BCO1: variants seen among roughly 807,000 people sequenced by gnomAD.
BCO1 encodes beta-carotene oxygenase 1, also known as beta,beta-carotene 15,15'-dioxygenase.
Under a neutral mutation model 56.3 loss-of-function variants are expected in BCO1, and 54 were observed. The observed-to-expected ratio is 0.96, with a 90% CI of 0.77 to 1.20. BCO1 has a LOEUF of 1.20. BCO1 is among the 50% of genes most tolerant of loss of function. BCO1 has a pLI of 0.00. For missense variants in BCO1, 801 were observed against 690.9 expected, an observed-to-expected ratio of 1.16 and a Z score of -1.79; for synonymous variants, 318 against 266.1, an observed-to-expected ratio of 1.20 and a Z score of -1.90.
chr16:81,276,804 C>T (rs754070847), intron 7 of BCO1, among the ~76,000 whole-genome samples: 6 of 151,568 alleles, frequency 4.0e-5, no homozygotes, highest in Non-Finnish European at 8.8e-5. Flanking sequence ...TGGTGGCTCA[C>T]GCGTGTAAAC....
chr16:81,272,376 C>A (rs1907287823), intron 7 of BCO1, among the ~76,000 whole-genome samples: 1 of 152,130 alleles, frequency 6.6e-6, no homozygotes, highest in South Asian at 2.1e-4. Flanking sequence ...CCTTGGCCTC[C>A]CAAAGTGCTG....
Position 81,276,787 on chromosome 16 carries a change from C to G in BCO1, c.1102-4070C>G, listed in dbSNP as rs1907582004. ...GCTTATTTTAAAATTAAATTTAAGG[C>G]CAGGCATGGTGGCTCACGCGTGTAA... On this transcript the variant is annotated intron_variant, in intron 7 of 10. Coordinates refer to ENST00000258168, the MANE Select transcript of BCO1 (RefSeq NM_017429.3). Among the ~76,000 whole-genome samples the G allele has an allele frequency of 1.3e-5, 2 of 152,178 alleles. 1 individual carries two copies.
intron 5 of BCO1, among the ~76,000 whole-genome samples, chr16:81,267,559 G>C (rs1315572936): frequency 2.0e-5 from 3 of 152,222 alleles, no homozygotes; most frequent in African/African-American, 7.2e-5. Context: ...ATTGAAGTGG[G>C]CTGAGATCGT....
chr16:81,285,548 C>T lies in BCO1; in HGVS notation c.1216C>T (p.Leu406Phe). ...QPEFLYEGLE[L>F]PRVNYAHNGK... Reference sequence around the variant, plus strand: ...TCCTCATTTCCTTGTAGGCTTAGAGCTTCCACGGGTCAATTATGCTCACAA... The same window carrying T: ...TCCTCATTTCCTTGTAGGCTTAGAGTTTCCACGGGTCAATTATGCTCACAA... Residue 406 changes from leucine (L) to phenylalanine (F), a missense_variant, in exon 9 of 11, where the codon CTT (leucine) becomes TTT (phenylalanine). Leu to Phe is a conservative substitution (Grantham distance 22, BLOSUM62 0). Transcript: ENST00000258168. The T allele has an allele frequency of 4.3e-6, 7 of 1,612,592 alleles. No homozygotes were observed. Among genetic ancestry groups the T allele is most frequent in the South Asian group, 1.1e-5 (1 of 91,064 alleles).
rs796296851 is a variant in BCO1, at chr16:81,254,450, ATT to A, written c.194-5214_194-5213del. On this transcript the variant is annotated intron_variant, in intron 2 of 10. Coordinates refer to ENST00000258168, the MANE Select transcript of BCO1 (RefSeq NM_017429.3). ...ACAGGCATAAGCCACCACACCAAGC[ATT>A]TTTTTTTTTTTAATAGATAAGGGCT... 1.1e-3 allele frequency among the ~76,000 whole-genome samples: 150 copies of A among 138,396 alleles called. 1 individual carries two copies. The highest frequency in any genetic ancestry group is 3.7e-3 in the African/African-American group (139 of 37,860). The allele number at this position is 138,396 out of a possible 152,430, so 90.8% of individuals were successfully genotyped here. A position where few individuals can be genotyped will look rare whatever the true frequency, so the allele number is the denominator to read the frequency against.
At chr16:81,262,836 C>CAAA (rs1157316912) in intron 4 of BCO1, 6 of 112,788 alleles carry the variant, frequency 5.3e-5, no homozygotes, top group South Asian at 5.3e-4. Flanking sequence ...CAAACAAAAA[C>CAAA]AAAAAAAAAA....
chr16:81,243,515 C>T (rs1567696868), intron 1 of BCO1, among the ~76,000 whole-genome samples: 1 of 152,124 alleles, frequency 6.6e-6, no homozygotes. Context: ...GTCACCCAGG[C>T]TGGAGTGCAG....
At position 81,271,553 on chromosome 16, in the gene BCO1, C is replaced by G. The variant is rs192302358; in HGVS notation, c.1101+1137C>G. 2.1e-3 allele frequency among the ~76,000 whole-genome samples: 324 copies of G among 152,276 alleles called. 1 individual carries two copies. Among genetic ancestry groups the G allele is most frequent in the Non-Finnish European group, 4.0e-3 (275 of 68,014 alleles). Reference sequence around the variant, plus strand: ...CCTTAGCCATCACCTCCTAGTCTTCCCCTCCCTGCCCCAGGCAACCTGTCA... The same window carrying G: ...CCTTAGCCATCACCTCCTAGTCTTCGCCTCCCTGCCCCAGGCAACCTGTCA... On this transcript the variant is annotated intron_variant, in intron 7 of 10. Transcript: ENST00000258168.
intron 1 of BCO1, among the ~76,000 whole-genome samples, chr16:81,241,687 G>A (rs1391297351): frequency 6.6e-6 from 1 of 152,212 alleles, no homozygotes; most frequent in Non-Finnish European, 1.5e-5. Context: ...GGGAAACTGA[G>A]GCAGAGGGGC....
At chr16:81,264,350 A>G (rs1433449754) in intron 4 of BCO1, among the ~76,000 whole-genome samples, 1 of 152,224 alleles carries the variant, frequency 6.6e-6, no homozygotes, top group Non-Finnish European at 1.5e-5. Flanking sequence ...CGATAGCCAC[A>G]GAAGCACACC....
intron 7 of BCO1, among the ~76,000 whole-genome samples, chr16:81,271,603 G>A (rs867318963): frequency 5.9e-4 from 90 of 152,054 alleles, no homozygotes; most frequent in African/African-American, 2.1e-3. Context: ...CTGCAGACTT[G>A]CCCTTTCTAG....
chr16:81,290,795 A>T lies in BCO1; in HGVS notation c.*218A>T. On this transcript the variant is annotated 3_prime_UTR_variant, in exon 11 of 11. Coordinates refer to ENST00000258168, the MANE Select transcript of BCO1 (RefSeq NM_017429.3). ...AAAGTCAAACATTTGAACATCAAAT[A>T]TGTATTGATTAGATCCAGTCCTTCT... 1.8e-6 allele frequency: 1 copy of T among 562,202 alleles called. No individual in the cohort carries two copies. Among genetic ancestry groups the T allele is most frequent in the Non-Finnish European group, 3.2e-6 (1 of 315,628 alleles). 34.8% of individuals were successfully genotyped at this position (562,202 alleles called of 1,614,324 possible). A position where few individuals can be genotyped will look rare whatever the true frequency, so the allele number is the denominator to read the frequency against.
chr16:81,284,161 C>T (rs1243797709), intron 8 of BCO1, among the ~76,000 whole-genome samples: 1 of 151,310 alleles, frequency 6.6e-6, no homozygotes, highest in Non-Finnish European at 1.5e-5. Context: ...CCACTGCACT[C>T]CAGCCCAGGC....
intron 1 of BCO1, among the ~76,000 whole-genome samples, 166 bp downstream of exon 1, chr16:81,239,138 T>C (rs1905001017): frequency 6.6e-6 from 1 of 151,452 alleles, no homozygotes; most frequent in Non-Finnish European, 1.5e-5. Context: ...CACCACAGCC[T>C]CCCGAGTAGC....
intron 7 of BCO1, among the ~76,000 whole-genome samples, chr16:81,277,514 T>G (rs1907629387): frequency 1.3e-5 from 2 of 152,236 alleles, no homozygotes; most frequent in Middle Eastern, 3.4e-3. Context: ...CAGATGCAGG[T>G]GGAAACCGCC....
chr16:81,254,966 T>C (rs956151964), intron 2 of BCO1, among the ~76,000 whole-genome samples: 3 of 152,144 alleles, frequency 2.0e-5, no homozygotes, highest in African/African-American at 4.8e-5. Flanking sequence ...GTATTATTTG[T>C]AGAGATGGGG....
chr16:81,251,708 A>C (rs1274679398), intron 2 of BCO1, among the ~76,000 whole-genome samples: 1 of 151,978 alleles, frequency 6.6e-6, no homozygotes, highest in African/African-American at 2.4e-5. Context: ...TTTACAAAGC[A>C]CGCATAGAAA....
chr16:81,270,056 T>C, intron 6 of BCO1, 103 bp from the exon 7 acceptor site: 2 of 1,455,230 alleles, frequency 1.4e-6, no homozygotes, highest in East Asian at 2.3e-5. Flanking sequence ...GACATAGTCC[T>C]GAGCCTAGCT....
chr16:81,268,439 CT>C (rs1906971395), intron 6 of BCO1, among the ~76,000 whole-genome samples: 1 of 152,164 alleles, frequency 6.6e-6, no homozygotes, highest in African/African-American at 2.4e-5. Context: ...GTCCTCAGTC[CT>C]TATGGAGAGC....
Sources: allele counts gnomAD v4.1 joint callset (sites outside exome capture counted in the v4.1 genomes callset), GRCh38; gene constraint gnomAD v4.1.1; transcripts MANE v1.5; gene names NCBI Gene and HGNC (gene_info 2026-07-23, HGNC 2026-07-21).